CFTR: variants seen among roughly 807,000 people sequenced by gnomAD.
CFTR encodes CF transmembrane conductance regulator.
Under a neutral mutation model 171.6 loss-of-function variants are expected in CFTR, and 181 were observed. That is an observed-to-expected ratio of 1.05 (90% CI 0.93 to 1.19). The LOEUF is 1.19. CFTR is among the 50% of genes most tolerant of loss of function. The probability of loss-of-function intolerance (pLI) is 0.00; values close to 1 mark genes in which losing one functional copy is unlikely to be tolerated. For missense variants in CFTR, 1,968 were observed against 1,734.7 expected (o/e 1.13, Z -2.39); for synonymous variants, 583 against 608.0 (o/e 0.96, Z 0.60).
At chr7:117,597,034 T>A (rs902124615) in intron 15 of CFTR, among the ~76,000 whole-genome samples, 3 of 152,196 alleles carry the variant, frequency 2.0e-5, no homozygotes, top group Admixed American at 6.5e-5. Context: ...CAGCAGGATG[T>A]GGGTGGGGCC....
In CFTR at chr7:117,504,333, C is replaced by G. The variant is rs1798380222; in HGVS notation, c.134C>G (p.Ser45Cys). 6.2e-7 allele frequency: 1 copy of G among 1,603,620 alleles called. No individual in the cohort carries two copies. Among genetic ancestry groups the G allele is most frequent in the East Asian group, 2.2e-5 (1 of 44,776 alleles). ...SDIYQIPSVD[S>C]ADNLSEKLER... ...ATATACCAAATCCCTTCTGTTGATTCTGCTGACAATCTATCTGAAAAATTG... is the reference window on the plus strand; with the variant it reads ...ATATACCAAATCCCTTCTGTTGATTGTGCTGACAATCTATCTGAAAAATTG... Residue 45 changes from serine to cysteine, a missense_variant, in exon 2 of 27, where the codon TCT becomes TGT. Coordinates refer to ENST00000003084, the MANE Select transcript of CFTR (RefSeq NM_000492.4).
intron 14 of CFTR, 128 bp from the exon 15 acceptor site, chr7:117,594,798 GATTT>G: frequency 2.5e-6 from 2 of 801,606 alleles, no homozygotes; most frequent in South Asian, 3.2e-5. Flanking sequence ...CATTTATAAT[GATTT>G]ATATTTGTTA....
chr7:117,571,000 A>G (rs213933), intron 11 of CFTR, among the ~76,000 whole-genome samples: 28,443 of 152,188 alleles, frequency 0.19, 2,858 homozygotes, highest in Non-Finnish European at 0.22. Flanking sequence ...TAAATAAGTC[A>G]GGAAATTTTT....
intron 17 of CFTR, among the ~76,000 whole-genome samples, chr7:117,606,443 A>C (rs533050329): frequency 6.6e-6 from 1 of 152,338 alleles, no homozygotes; most frequent in Non-Finnish European, 1.5e-5. Flanking sequence ...GAATCTTACA[A>C]GAATCTGAAA....
At position 117,666,941 on chromosome 7, in the gene CFTR, T is replaced by TC; in HGVS notation, c.4278dup (p.Ile1427HisfsTer35). ...AGAGAACAAAGTGCGGCAGTACGAT[T>TC]CCATCCAGAAACTGCTGAACGAGAG... On this transcript the variant is annotated frameshift_variant, in exon 27 of 27. Coordinates refer to ENST00000003084, the MANE Select transcript of CFTR (RefSeq NM_000492.4). LOFTEE classifies it high-confidence loss of function. The TC allele has an allele frequency of 6.2e-7, 1 of 1,614,032 alleles. No individual in the cohort carries two copies. The highest frequency in any genetic ancestry group is 1.1e-5 in the South Asian group (1 of 91,074).
At chr7:117,606,141 G>T (rs894071017) in intron 17 of CFTR, among the ~76,000 whole-genome samples, 5 of 152,116 alleles carry the variant, frequency 3.3e-5, no homozygotes, top group Admixed American at 6.6e-5. Flanking sequence ...TTGAAATGTA[G>T]ATTGTCTGCG....
chr7:117,558,422 C>T (rs1201844443), intron 10 of CFTR, among the ~76,000 whole-genome samples: 4 of 152,016 alleles, frequency 2.6e-5, no homozygotes, highest in East Asian at 3.9e-4. Context: ...GACGTGATGG[C>T]GGGTGCCCGT....
At chr7:117,588,486 GTCAAA>G (rs1173926862) in intron 12 of CFTR, among the ~76,000 whole-genome samples, 1 of 152,122 alleles carries the variant, frequency 6.6e-6, no homozygotes, top group Non-Finnish European at 1.5e-5. Flanking sequence ...TGACTCTGAT[GTCAAA>G]TGTTTCTCAA....
intron 24 of CFTR, among the ~76,000 whole-genome samples, chr7:117,656,048 C>CA (rs1793177913): frequency 6.6e-6 from 1 of 152,242 alleles, no homozygotes; most frequent in East Asian, 1.9e-4. Flanking sequence ...GGCAGGGGGA[C>CA]AGAAGCTTTC....
chr7:117,518,781 T>A (rs1254540270), intron 3 of CFTR, among the ~76,000 whole-genome samples: 1 of 151,944 alleles, frequency 6.6e-6, no homozygotes, highest in Non-Finnish European at 1.5e-5. Flanking sequence ...CAAATACTCA[T>A]TATTTACATT....
At chr7:117,648,374 T>C (rs1005846070) in intron 23 of CFTR, among the ~76,000 whole-genome samples, 1 of 152,086 alleles carries the variant, frequency 6.6e-6, no homozygotes, top group Non-Finnish European at 1.5e-5. Flanking sequence ...CCCTGAGAAC[T>C]CAATATAGCC....
intron 21 of CFTR, among the ~76,000 whole-genome samples, chr7:117,624,610 A>G (rs1792625179): frequency 6.6e-6 from 1 of 152,148 alleles, no homozygotes; most frequent in South Asian, 2.1e-4. Flanking sequence ...CTACTTGAGG[A>G]TAGAACCAGG....
chr7:117,500,382 G>T (rs2116629848), intron 1 of CFTR, among the ~76,000 whole-genome samples: 2 of 150,034 alleles, frequency 1.3e-5, no homozygotes, highest in South Asian at 4.2e-4. Flanking sequence ...CGCCTCCCAG[G>T]TTCAAGCAAT....
At chr7:117,480,212 G>GGGT in intron 1 of CFTR, 65 bp downstream of exon 1, 1 of 1,492,604 alleles carries the variant, frequency 6.7e-7, no homozygotes, top group East Asian at 2.3e-5. Context: ...GCGTGTGTAT[G>GGGT]GGTTGGGTTT....
intron 22 of CFTR, among the ~76,000 whole-genome samples, chr7:117,629,106 T>C (rs1792699012): frequency 6.6e-6 from 1 of 152,156 alleles, no homozygotes; most frequent in Admixed American, 6.6e-5. Flanking sequence ...TGATGTGAGA[T>C]TAGTAATTAG....
chr7:117,660,451 T>C (rs1361949023), intron 24 of CFTR, among the ~76,000 whole-genome samples: 1 of 151,934 alleles, frequency 6.6e-6, no homozygotes, highest in Non-Finnish European at 1.5e-5. Context: ...GGCCAACATG[T>C]AGAAATCCCC....
chr7:117,652,667 A>G (rs1463081944), intron 23 of CFTR, among the ~76,000 whole-genome samples, 175 bp from the exon 24 acceptor site: 1 of 152,160 alleles, frequency 6.6e-6, no homozygotes, highest in Admixed American at 6.5e-5. Context: ...TAAAAGAATG[A>G]TACAAAGCAG....
intron 10 of CFTR, 56 bp from the exon 11 acceptor site, chr7:117,559,408 A>G: frequency 1.8e-6 from 2 of 1,118,876 alleles, no homozygotes; most frequent in Admixed American, 1.7e-5. Flanking sequence ...ATTGGAGGCA[A>G]GTGAATCCTG....
rs571693763 is a variant in CFTR, at chr7:117,578,512, T to C, written c.1585-9227T>C. Among the ~76,000 whole-genome samples, 17 of 152,220 alleles carry C rather than the reference T, an allele frequency of 1.1e-4. No individual in the cohort carries two copies. The East Asian group carries it at 2.9e-3, about 26-fold the overall frequency. ...AGTTAAGTTTCTGGTAGTTACAAGT[T>C]ATATGTGGGTGTTCGACTGCATGGG... On this transcript the variant is annotated intron_variant, in intron 11 of 26. Coordinates refer to ENST00000003084, the MANE Select transcript of CFTR (RefSeq NM_000492.4).
Sources: gnomAD v4.1 joint callset for allele counts (sites outside exome capture counted in the v4.1 genomes callset) on GRCh38, gnomAD v4.1.1 for gene constraint, MANE v1.5 for transcripts, NCBI Gene and HGNC (gene_info 2026-07-23, HGNC 2026-07-21) for gene names.